The following UPF2 variants were observed in gnomAD, a reference collection of about 807,000 sequenced individuals.
The protein encoded by UPF2 is regulator of nonsense transcripts 2.
In UPF2, 17 loss-of-function variants were observed where a neutral mutation model predicts 141.4. The ratio of observed to expected loss-of-function variants is 0.12; its 90% CI spans 0.08 to 0.18. The LOEUF (loss-of-function observed/expected upper bound fraction) is 0.18. UPF2 is among the 10% of genes least tolerant of loss of function. UPF2 has a pLI of 1.00. For missense variants in UPF2, 1,152 were observed against 1,515.9 expected, an observed-to-expected ratio of 0.76 and a Z score of 3.99; for synonymous variants, 540 against 498.0, an observed-to-expected ratio of 1.08 and a Z score of -1.12.
intron 3 of UPF2, among the ~76,000 whole-genome samples, chr10:12,023,973 A>C (rs1240543863): frequency 2.0e-5 from 3 of 152,168 alleles, no homozygotes; most frequent in African/African-American, 7.2e-5. Context: ...TGGGTGACAG[A>C]GTGAGACCTT....
intron 4 of UPF2, among the ~76,000 whole-genome samples, chr10:12,012,823 AG>A (rs1379119694): frequency 1.3e-5 from 2 of 151,510 alleles, no homozygotes; most frequent in Non-Finnish European, 2.9e-5. Context: ...ACATTTAAAA[AG>A]TTTGAGAATG....
At chr10:12,035,744 AG>A (rs965278598) in intron 1 of UPF2, 28 of 208,972 alleles carry the variant, frequency 1.3e-4, no homozygotes, top group Non-Finnish European at 2.3e-4. Context: ...ACTCAGATTC[AG>A]CCACTATCAA....
chr10:12,031,880 G>C (rs1409653657), intron 2 of UPF2, among the ~76,000 whole-genome samples: 1 of 152,126 alleles, frequency 6.6e-6, no homozygotes, highest in African/African-American at 2.4e-5. Flanking sequence ...TCCATTAAAA[G>C]CTACAATATA....
At chr10:12,040,065 T>C (rs111896907) in intron 1 of UPF2, among the ~76,000 whole-genome samples, 6 of 152,332 alleles carry the variant, frequency 3.9e-5, no homozygotes, top group Non-Finnish European at 2.9e-5. Flanking sequence ...TTAATAAGAT[T>C]CATGTCTTCA....
In UPF2 at chr10:11,998,039, GGAA is replaced by G. The variant is rs565207143; in HGVS notation, c.1759-285_1759-283del. On this transcript the variant is annotated intron_variant, in intron 7 of 21. Transcript: ENST00000357604. This position sits in a 1 kb window ranked among gnomAD's most constrained non-coding sequence, Gnocchi z 4.5. Reference sequence around the variant, plus strand: ...AGGCACAAATTATACCCAAGAAGATGGAAGAAGAAGAAGTGTGCCCCCACATTC... The same window carrying G: ...AGGCACAAATTATACCCAAGAAGATGGAAGAAGAAGTGTGCCCCCACATTC... Among the ~76,000 whole-genome samples, 73 of 152,264 alleles carry G rather than the reference GGAA, an allele frequency of 4.8e-4. No individual in the cohort carries two copies. The highest frequency in any genetic ancestry group is 4.8e-3 in the South Asian group (23 of 4,824).
chr10:12,039,094 A>G (rs147800931), intron 1 of UPF2, among the ~76,000 whole-genome samples: 26 of 152,184 alleles, frequency 1.7e-4, no homozygotes, highest in African/African-American at 5.8e-4. Flanking sequence ...ATACTAATAC[A>G]CTACTCATGG....
intron 8 of UPF2, among the ~76,000 whole-genome samples, chr10:11,990,672 C>CT (rs1833763828): frequency 9.6e-6 from 1 of 104,058 alleles, no homozygotes; most frequent in Admixed American, 1.1e-4. Context: ...GAGCAAGACT[C>CT]TGTCTCAAAA....
rs1564338424 is a variant in UPF2, at chr10:11,940,389, CG to C, written c.3378+2275del. Among the ~76,000 whole-genome samples, 1 of 152,124 alleles carries C rather than the reference CG, an allele frequency of 6.6e-6. No individual in the cohort carries two copies. Among genetic ancestry groups the C allele is most frequent in the African/African-American group, 2.4e-5 (1 of 41,416 alleles). On this transcript the variant is annotated intron_variant, in intron 18 of 21. Coordinates refer to ENST00000357604, the MANE Select transcript of UPF2 (RefSeq NM_015542.4). The surrounding 1 kb of genome is among the most constrained non-coding windows in gnomAD (Gnocchi z 4.2). The stretch of plus-strand genomic sequence containing the variant: ...TCTCTTCTCTGTCCACACTTTACAC[CG>C]GGGATGAATCATTTGTTCCGATGCT...
chr10:12,039,963 A>G (rs1834706631), intron 1 of UPF2, among the ~76,000 whole-genome samples: 2 of 152,210 alleles, frequency 1.3e-5, no homozygotes, highest in Admixed American at 1.3e-4. Flanking sequence ...TAAATTTTTC[A>G]AAGAAAAGAT....
intron 7 of UPF2, 149 bp from the exon 8 acceptor site, chr10:11,997,906 G>A: frequency 1.4e-6 from 1 of 725,290 alleles, no homozygotes; most frequent in Non-Finnish European, 2.2e-6. Context: ...AAAGTTTTCT[G>A]ATAGAGCTCA....
chr10:12,027,484 A>C (rs1216187746), intron 3 of UPF2, among the ~76,000 whole-genome samples: 2 of 152,230 alleles, frequency 1.3e-5, no homozygotes, highest in African/African-American at 4.8e-5. Context: ...ATCATAATTA[A>C]GCCCTAAGTA....
At chr10:11,966,518 G>T (rs1262645002) in intron 10 of UPF2, among the ~76,000 whole-genome samples, 1 of 152,070 alleles carries the variant, frequency 6.6e-6, no homozygotes, top group Non-Finnish European at 1.5e-5. Flanking sequence ...TCCACCTCCT[G>T]GGTTCAAGTG....
chr10:11,978,236 G>A (rs1833538253), intron 9 of UPF2, among the ~76,000 whole-genome samples: 1 of 152,230 alleles, frequency 6.6e-6, no homozygotes, highest in Admixed American at 6.5e-5. Flanking sequence ...GAAAGCGTGT[G>A]CGGACATTTC....
rs957965520 is a variant in UPF2 at position 11,956,133 on chromosome 10, C to T, written c.2574+187G>A. On this transcript the variant is annotated intron_variant, in intron 13 of 21. Transcript: ENST00000357604. This position sits in a 1 kb window ranked among gnomAD's most constrained non-coding sequence, Gnocchi z 4.2. ...GTGCACTCCAGCCTGGGTGACACAGCGAGACTCAGTCTCAAAAAAAAAAAA... is the reference window on the plus strand; with the variant it reads ...GTGCACTCCAGCCTGGGTGACACAGTGAGACTCAGTCTCAAAAAAAAAAAA... Among the ~76,000 whole-genome samples, 4 of 143,126 alleles carry T rather than the reference C, an allele frequency of 2.8e-5. No homozygotes were observed. The highest frequency in any genetic ancestry group is 6.0e-5 in the Non-Finnish European group (4 of 66,380). 93.9% of individuals were successfully genotyped at this position (143,126 alleles called of 152,430 possible). A position where few individuals can be genotyped will look rare whatever the true frequency, so the allele number is the denominator to read the frequency against.
intron 4 of UPF2, among the ~76,000 whole-genome samples, chr10:12,012,541 A>C (rs1231221748): frequency 2.0e-5 from 3 of 152,036 alleles, no homozygotes; most frequent in Non-Finnish European, 4.4e-5. Flanking sequence ...GCACATTGGG[A>C]GGCCGAGGTG....
intron 9 of UPF2, among the ~76,000 whole-genome samples, chr10:11,973,899 T>A (rs184560511): frequency 6.6e-6 from 1 of 152,204 alleles, no homozygotes; most frequent in Non-Finnish European, 1.5e-5. Flanking sequence ...AACTTTCAAG[T>A]AGTTTTTTCC....
rs1833148565 is a variant in UPF2, at chr10:11,956,267, A to G, written c.2574+53T>C. On this transcript the variant is annotated intron_variant, in intron 13 of 21. Coordinates refer to ENST00000357604, the MANE Select transcript of UPF2 (RefSeq NM_015542.4). The surrounding 1 kb of genome is among the most constrained non-coding windows in gnomAD (Gnocchi z 4.2). ...TGAGTCTCAATAGTAACCTAGAAATAATAAATTCTCCACGAATTCCAGTTG... is the reference window on the plus strand; with the variant it reads ...TGAGTCTCAATAGTAACCTAGAAATGATAAATTCTCCACGAATTCCAGTTG... The G allele has an allele frequency of 6.5e-7, 1 of 1,541,248 alleles. No individual in the cohort carries two copies. Among genetic ancestry groups the G allele is most frequent in the Admixed American group, 1.7e-5 (1 of 59,468 alleles).
rs60922532 is a variant in UPF2 at position 11,994,975 on chromosome 10, C to CAAAAAAAAAAAAA, written c.1844+2684_1844+2696dup. On this transcript the variant is annotated intron_variant, in intron 8 of 21. Coordinates refer to ENST00000357604, the MANE Select transcript of UPF2 (RefSeq NM_015542.4). ...TGGGCAACAGAGTGAGACTCCATCT[C>CAAAAAAAAAAAAA]AAAAAAAAAAAAAAAAAAAAAAAAA... Among the ~76,000 whole-genome samples, 24 of 51,356 alleles carry CAAAAAAAAAAAAA rather than the reference C, an allele frequency of 4.7e-4. 3 individuals are homozygous for CAAAAAAAAAAAAA. Among genetic ancestry groups the CAAAAAAAAAAAAA allele is most frequent in the East Asian group, 2.5e-3 (2 of 802 alleles). The allele number at this position is 51,356 out of a possible 152,430, so 33.7% of individuals were successfully genotyped here.
chr10:11,992,060 C>T lies in UPF2; in HGVS notation c.1844+5612G>A, dbSNP rs944821048. Among the ~76,000 whole-genome samples, 3 of 151,984 alleles carry T rather than the reference C, an allele frequency of 2.0e-5. No homozygotes were observed. Among genetic ancestry groups the T allele is most frequent in the African/African-American group, 4.8e-5 (2 of 41,392 alleles). ...ACTCAGGAGCCTGAGGCAGAAGAAT[C>T]GCTTGAACTGGAGGCAGAGGTTGCA... On this transcript the variant is annotated intron_variant, in intron 8 of 21. Coordinates refer to ENST00000357604, the MANE Select transcript of UPF2 (RefSeq NM_015542.4). This position sits in a 1 kb window ranked among gnomAD's most constrained non-coding sequence, Gnocchi z 4.1.
Sources: gnomAD v4.1 joint callset for allele counts (sites outside exome capture counted in the v4.1 genomes callset) on GRCh38, gnomAD v4.1.1 for gene constraint, Gnocchi (gnomAD v3.1) non-coding constraint, MANE v1.5 for transcripts, NCBI Gene and HGNC (gene_info 2026-07-23, HGNC 2026-07-21) for gene names.